CASKIN2: variants seen among roughly 807,000 people sequenced by gnomAD.
The protein encoded by CASKIN2 is caskin-2.
CASKIN2 carries 41 observed loss-of-function variants against 107.1 expected under a neutral mutation model. The ratio of observed to expected loss-of-function variants is 0.38; its 90% confidence interval spans 0.30 to 0.50. The LOEUF (loss-of-function observed/expected upper bound fraction) is 0.50, where lower values mean the gene tolerates loss of function less well. Among genes scored for constraint, CASKIN2 ranks in the 20% least tolerant of loss-of-function variants. The pLI, the probability that CASKIN2 is intolerant of heterozygous loss-of-function variation, is 0.92. For synonymous variants in CASKIN2, 724 were observed against 705.6 expected (o/e 1.03, Z -0.41); for missense variants, 1,546 against 1,657.4 (o/e 0.93, Z 1.17).
intron 2 of CASKIN2, among the ~76,000 whole-genome samples, chr17:75,513,415 A>G (rs1285086088): frequency 6.6e-6 from 1 of 152,210 alleles, no homozygotes. Flanking sequence ...ACTGTACTCC[A>G]GCCTGGGTGA....
intron 3 of CASKIN2, 37 bp downstream of exon 3, chr17:75,508,197 C>T (rs1283164461): frequency 2.5e-6 from 4 of 1,612,262 alleles, no homozygotes; most frequent in Non-Finnish European, 2.5e-6. Flanking sequence ...CTGCCCCCAC[C>T]CAGCAGCTCT....
Position 75,507,568 on chromosome 17 carries a change from C to T in CASKIN2, c.244+16G>A, listed in dbSNP as rs758202709. On this transcript the variant is annotated intron_variant, in intron 4 of 19. Transcript: ENST00000321617. ...ACCTGCCCAGGGTGGGGGTCGGGGGCACATGGGGGTCTCACCATTGCTGTC... is the reference window on the plus strand; with the variant it reads ...ACCTGCCCAGGGTGGGGGTCGGGGGTACATGGGGGTCTCACCATTGCTGTC... 5 of 1,600,726 alleles carry T rather than the reference C, an allele frequency of 3.1e-6. No homozygotes were observed. Among genetic ancestry groups the T allele is most frequent in the Admixed American group, 3.3e-5 (2 of 59,854 alleles).
intron 2 of CASKIN2, among the ~76,000 whole-genome samples, chr17:75,510,223 G>A (rs999530793): frequency 6.6e-6 from 1 of 152,184 alleles, no homozygotes; most frequent in Non-Finnish European, 1.5e-5. Flanking sequence ...GCGAGGGGCG[G>A]GGAGCAGGGC....
rs2053252021 is a variant in CASKIN2 at position 75,505,161 on chromosome 17, C to G, written c.931-88G>C. On this transcript the variant is annotated intron_variant, in intron 10 of 19. Transcript: ENST00000321617. This position sits in a 1 kb window ranked among gnomAD's most constrained non-coding sequence, Gnocchi z 5.1. Reference sequence around the variant, plus strand: ...GTCCCTGCAGCTGCGGTCCGGCAACCCTGGTCCAGCTCTTTCCCTACCCCT... The same window carrying G: ...GTCCCTGCAGCTGCGGTCCGGCAACGCTGGTCCAGCTCTTTCCCTACCCCT... 12 of 1,419,276 alleles carry G rather than the reference C, an allele frequency of 8.5e-6. No homozygotes were observed. The South Asian group carries it at 9.6e-5, about 11-fold the overall frequency. 87.9% of individuals were successfully genotyped at this position (1,419,276 alleles called of 1,614,324 possible).
chr17:75,514,621 G>C (rs913806306), intron 1 of CASKIN2, among the ~76,000 whole-genome samples: 21 of 152,182 alleles, frequency 1.4e-4, no homozygotes, highest in Non-Finnish European at 1.5e-5. Context: ...GGCGGGCAGG[G>C]GTCACTCCCT....
rs1315794570 is a variant in CASKIN2, at chr17:75,506,899, G to C, written c.391-5C>G. On this transcript the variant is annotated splice_polypyrimidine_tract_variant and splice_region_variant and intron_variant, in intron 5 of 19. Transcript: ENST00000321617. This position sits in a 1 kb window ranked among gnomAD's most constrained non-coding sequence, Gnocchi z 4.8. ...ATGCTGGAGGAGCATTTCTGACTGG[G>C]GTTGGGGGAGCCGAGTGAGGGGGCC... 1 of 1,611,526 alleles carries C rather than the reference G, an allele frequency of 6.2e-7. No homozygotes were observed. Among genetic ancestry groups the C allele is most frequent in the Non-Finnish European group, 8.5e-7 (1 of 1,178,828 alleles).
At chr17:75,507,531 G>C in intron 4 of CASKIN2, 53 bp downstream of exon 4, 1 of 1,367,940 alleles carries the variant, frequency 7.3e-7, no homozygotes, top group Non-Finnish European at 1.0e-6. Flanking sequence ...CCAGGGTCTG[G>C]GTAGGGCCCC....
In CASKIN2 at chr17:75,505,994, G is replaced by T; in HGVS notation, c.727-65C>A. On this transcript the variant is annotated intron_variant, in intron 8 of 19. Transcript: ENST00000321617. This position sits in a 1 kb window ranked among gnomAD's most constrained non-coding sequence, Gnocchi z 5.1. The stretch of plus-strand genomic sequence containing the variant: ...TGACACCCCTCACCCGATTCTCTCA[G>T]CTACCCGGGACATAGGTACTATTAC... The T allele has an allele frequency of 7.1e-7, 1 of 1,399,234 alleles. No homozygotes were observed. Among genetic ancestry groups the T allele is most frequent in the Non-Finnish European group, 1.0e-6 (1 of 1,000,102 alleles). The allele number at this position is 1,399,234 out of a possible 1,614,324, so 86.7% of individuals were successfully genotyped here.
At position 75,501,642 on chromosome 17, in the gene CASKIN2, GA is replaced by G; in HGVS notation, c.3343del (p.Ser1115LeufsTer5). The part of the protein sequence containing the change: ...VSVACTQLAF[S>X]GPKLAPRLGP... ...GAGCCGGGGCGCTAGCTTAGGGCCAGAAAATGCCAGCTGGGTGCAGGCCACC... is the reference window on the plus strand; with the variant it reads ...GAGCCGGGGCGCTAGCTTAGGGCCAGAAATGCCAGCTGGGTGCAGGCCACC... On this transcript the variant is annotated frameshift_variant, in exon 19 of 20. Transcript: ENST00000321617. LOFTEE classifies it high-confidence loss of function. The G allele has an allele frequency of 6.3e-7, 1 of 1,593,856 alleles. No homozygotes were observed. The highest frequency in any genetic ancestry group is 8.6e-7 in the Non-Finnish European group (1 of 1,169,580).
At chr17:75,514,677 G>C (rs1036950392) in intron 1 of CASKIN2, among the ~76,000 whole-genome samples, 2 of 152,212 alleles carry the variant, frequency 1.3e-5, no homozygotes, top group African/African-American at 4.8e-5. Flanking sequence ...AGGCTTCAAG[G>C]CTTCGCTTTA....
chr17:75,512,942 C>T (rs71382168), intron 2 of CASKIN2, among the ~76,000 whole-genome samples: 1 of 151,620 alleles, frequency 6.6e-6, no homozygotes, highest in East Asian at 1.9e-4. Flanking sequence ...TCTTAAGACA[C>T]GAACATAGAG....
At position 75,502,665 on chromosome 17, in the gene CASKIN2, G is replaced by C; in HGVS notation, c.2409C>G (p.Arg803=). The change falls in exon 18 of 20, where the codon CGC becomes CGG. Residue 803 remains arginine (R), a synonymous_variant. Transcript: ENST00000321617. This position sits in a 1 kb window ranked among gnomAD's most constrained non-coding sequence, Gnocchi z 4.3. ...CAGCATCCCCCTCTGTGGGGCCAGG[G>C]CGGCTTAGGCTGTGGGACCGGCGCT... The part of the protein sequence containing the change: ...RPKRRSHSLS[R]PGPTEGDAEG... The C allele has an allele frequency of 6.2e-7, 1 of 1,603,468 alleles. No individual in the cohort carries two copies. The highest frequency in any genetic ancestry group is 8.5e-7 in the Non-Finnish European group (1 of 1,174,800).
At chr17:75,503,609 C>A in intron 16 of CASKIN2, 50 bp downstream of exon 16, 1 of 1,606,710 alleles carries the variant, frequency 6.2e-7, no homozygotes, top group East Asian at 2.2e-5. Context: ...AAAGCCACAG[C>A]TGAGGGTGAC....
chr17:75,501,092 G>A lies in CASKIN2; in HGVS notation c.3597C>T (p.Ala1199=), dbSNP rs1344042414. 6.3e-6 allele frequency: 10 copies of A among 1,577,244 alleles called. No homozygotes were observed. Among genetic ancestry groups the A allele is most frequent in the Non-Finnish European group, 1.7e-6 (2 of 1,161,658 alleles). The change falls in exon 20 of 20, where the codon GCC becomes GCT. Residue 1199 remains alanine (A), a synonymous_variant. Coordinates refer to ENST00000321617, the MANE Select transcript of CASKIN2 (RefSeq NM_020753.5). The stretch of plus-strand genomic sequence containing the variant: ...ACTGCTGGAGGGCTCAGTCCAGCAT[G>A]GCGTCCAGCTGGTCAGCCAGGGCGT... The part of the protein sequence containing the change: ...MFDALADQLD[A]MLD
chr17:75,513,566 C>G (rs2053331922), intron 2 of CASKIN2, 145 bp downstream of exon 2: 5 of 703,642 alleles, frequency 7.1e-6, no homozygotes, highest in Admixed American at 2.2e-5. Context: ...CTCTCTGGCT[C>G]TCTCACACAG....
chr17:75,505,747 A>C lies in CASKIN2; in HGVS notation c.835+74T>G, dbSNP rs1598466384. On this transcript the variant is annotated intron_variant, in intron 9 of 19. Coordinates refer to ENST00000321617, the MANE Select transcript of CASKIN2 (RefSeq NM_020753.5). The surrounding 1 kb of genome is among the most constrained non-coding windows in gnomAD (Gnocchi z 5.1). ...TGACAACCCTCCCCCAGGGACGTCC[A>C]CTCCCCCTCCACATCCTGGTACCAC... 8.4e-6 allele frequency: 13 copies of C among 1,544,940 alleles called. No individual in the cohort carries two copies. The highest frequency in any genetic ancestry group is 3.4e-5 in the Admixed American group (2 of 58,218).
chr17:75,506,017 T>A lies in CASKIN2; in HGVS notation c.727-88A>T. 8.4e-7 allele frequency: 1 copy of A among 1,193,108 alleles called. No individual in the cohort carries two copies. Among genetic ancestry groups the A allele is most frequent in the Non-Finnish European group, 1.2e-6 (1 of 837,096 alleles). The allele number at this position is 1,193,108 out of a possible 1,614,324, so 73.9% of individuals were successfully genotyped here. On this transcript the variant is annotated intron_variant, in intron 8 of 19. Transcript: ENST00000321617. The surrounding 1 kb of genome is among the most constrained non-coding windows in gnomAD (Gnocchi z 4.8). Reference sequence around the variant, plus strand: ...CAGCTACCCGGGACATAGGTACTATTACCATTTTCCGATTTTACAGATGAG... The same window carrying A: ...CAGCTACCCGGGACATAGGTACTATAACCATTTTCCGATTTTACAGATGAG...
chr17:75,513,319 C>G (rs1213888144), intron 2 of CASKIN2, among the ~76,000 whole-genome samples: 1 of 152,124 alleles, frequency 6.6e-6, no homozygotes, highest in Non-Finnish European at 1.5e-5. Flanking sequence ...GTGGCACACA[C>G]CTGTAATCCC....
chr17:75,501,774 C>T lies in CASKIN2; in HGVS notation c.3295+5G>A. The T allele has an allele frequency of 6.5e-7, 1 of 1,531,790 alleles. No homozygotes were observed. Among genetic ancestry groups the T allele is most frequent in the Non-Finnish European group, 8.8e-7 (1 of 1,141,030 alleles). The allele number at this position is 1,531,790 out of a possible 1,614,324, so 94.9% of individuals were successfully genotyped here. Reference sequence around the variant, plus strand: ...AGTGACTCTCCCACAGGCCTCCCCTCTTACCTGCTCCGGGCACCTTGAGGA... The same window carrying T: ...AGTGACTCTCCCACAGGCCTCCCCTTTTACCTGCTCCGGGCACCTTGAGGA... On this transcript the variant is annotated splice_donor_5th_base_variant and intron_variant, in intron 18 of 19. Transcript: ENST00000321617.
Sources: gnomAD v4.1 joint callset for allele counts (sites outside exome capture counted in the v4.1 genomes callset) on GRCh38, gnomAD v4.1.1 for gene constraint, Gnocchi (gnomAD v3.1) non-coding constraint, MANE v1.5 for transcripts, NCBI Gene and HGNC (gene_info 2026-07-23, HGNC 2026-07-21) for gene names.